The following KLHDC1 variants were observed in gnomAD, a reference collection of about 807,000 sequenced individuals.
The protein encoded by KLHDC1 is kelch domain containing 1, also known as kelch domain-containing protein 1.
KLHDC1 carries 53 observed loss-of-function variants against 68.3 expected under a neutral mutation model. That is an observed-to-expected ratio of 0.78 (90% CI 0.62 to 0.98). The LOEUF is 0.98. KLHDC1 is among the 50% of genes least tolerant of loss of function. The pLI is 0.00. For synonymous variants in KLHDC1, 148 were observed against 159.0 expected, an observed-to-expected ratio of 0.93 and a Z score of 0.52; for missense variants, 470 against 492.3, an observed-to-expected ratio of 0.95 and a Z score of 0.43.
chr14:49,732,591 TA>T (rs1224600170), intron 8 of KLHDC1, 112 bp from the exon 9 acceptor site: 2 of 495,090 alleles, frequency 4.0e-6, no homozygotes, highest in Non-Finnish European at 3.5e-6. Context: ...GTGGGACTAG[TA>T]AAAGTTTTTT....
intron 4 of KLHDC1, among the ~76,000 whole-genome samples, chr14:49,715,049 A>G (rs1888334547): frequency 6.8e-6 from 1 of 147,364 alleles, no homozygotes; most frequent in East Asian, 1.9e-4. Context: ...TATACTTAAT[A>G]TATATTATAT....
At chr14:49,732,967 T>C in intron 9 of KLHDC1, 151 bp downstream of exon 9, 1 of 579,478 alleles carries the variant, frequency 1.7e-6, no homozygotes, top group Non-Finnish European at 3.0e-6. Flanking sequence ...TATGATCTCC[T>C]TGCTTTTGTA....
rs1231129663 is a variant in KLHDC1 at position 49,693,748 on chromosome 14, C to CTTTTTTTTTTTTTTTTTTTT, written c.96+474_96+475insTTTTTTTTTTTTTTTTTTTT. 1.7e-3 allele frequency among the ~76,000 whole-genome samples: 104 copies of CTTTTTTTTTTTTTTTTTTTT among 61,538 alleles called. 22 individuals are homozygous for CTTTTTTTTTTTTTTTTTTTT. The highest frequency in any genetic ancestry group is 3.8e-3 in the East Asian group (5 of 1,326). The allele number at this position is 61,538 out of a possible 152,430, so 40.4% of individuals were successfully genotyped here. A position where few individuals can be genotyped will look rare whatever the true frequency, so the allele number is the denominator to read the frequency against. ...TAAATATTTATTTTCTTTTCTTTTT[C>CTTTTTTTTTTTTTTTTTTTT]TTTTTTTTTTTTTTTTGAGATGGAG... On this transcript the variant is annotated intron_variant, in intron 1 of 12. Coordinates refer to ENST00000359332, the MANE Select transcript of KLHDC1 (RefSeq NM_172193.3).
chr14:49,695,784 G>T (rs1217417921), intron 1 of KLHDC1, among the ~76,000 whole-genome samples: 1 of 152,152 alleles, frequency 6.6e-6, no homozygotes, highest in Admixed American at 6.5e-5. Context: ...TCTATTGTTG[G>T]CCGGGCACGT....
chr14:49,732,872 T>C, intron 9 of KLHDC1, 56 bp downstream of exon 9: 1 of 871,422 alleles, frequency 1.1e-6, no homozygotes, highest in South Asian at 1.5e-5. Flanking sequence ...TTCTTAATTG[T>C]ATTTCATACT....
intron 12 of KLHDC1, among the ~76,000 whole-genome samples, chr14:49,749,372 A>G (rs755744920): frequency 6.6e-6 from 1 of 152,144 alleles, no homozygotes; most frequent in Non-Finnish European, 1.5e-5. Context: ...TATCTCGTGG[A>G]AATACAGTTT....
intron 10 of KLHDC1, among the ~76,000 whole-genome samples, 187 bp from the exon 11 acceptor site, chr14:49,739,911 T>C (rs1167541204): frequency 1.3e-5 from 2 of 152,216 alleles, no homozygotes; most frequent in Non-Finnish European, 2.9e-5. Flanking sequence ...ATCTCTTTAA[T>C]GGTGTGATTT....
intron 12 of KLHDC1, among the ~76,000 whole-genome samples, chr14:49,746,293 A>G (rs1170160728): frequency 6.6e-6 from 1 of 152,236 alleles, no homozygotes; most frequent in African/African-American, 2.4e-5. Context: ...GGCCAGACAT[A>G]AAATTTCATA....
chr14:49,732,672 G>T, intron 8 of KLHDC1, 32 bp from the exon 9 acceptor site: 1 of 1,089,868 alleles, frequency 9.2e-7, no homozygotes, highest in South Asian at 1.3e-5. Flanking sequence ...GATTAATATA[G>T]TACCTAGACT....
At chr14:49,700,758 G>C (rs1331146593) in intron 1 of KLHDC1, among the ~76,000 whole-genome samples, 1 of 152,166 alleles carries the variant, frequency 6.6e-6, no homozygotes, top group East Asian at 1.9e-4. Context: ...CTTGATGCAA[G>C]TAGAGATAGT....
intron 10 of KLHDC1, among the ~76,000 whole-genome samples, chr14:49,736,434 A>C (rs1298338677): frequency 1.3e-5 from 2 of 152,212 alleles, no homozygotes; most frequent in Non-Finnish European, 2.9e-5. Context: ...TTCTTCGATG[A>C]TGAAATGGCC....
chr14:49,729,508 T>A lies in KLHDC1; in HGVS notation c.670T>A (p.Leu224Met), dbSNP rs1197557405. 4.3e-6 allele frequency: 7 copies of A among 1,610,750 alleles called. No individual in the cohort carries two copies. Among genetic ancestry groups the A allele is most frequent in the Non-Finnish European group, 5.9e-6 (7 of 1,177,212 alleles). ...CTTTTAGCAAACTAGGATGAATGAT[T>A]TGCACTATCTAAACCTAGACACCTG... ...GRVLQTRMND[L>M]HYLNLDTWTW... Residue 224 changes from leucine (L) to methionine (M), a missense_variant, in exon 8 of 13, where the codon TTG becomes ATG. Leu to Met is a conservative substitution (Grantham distance 15). Coordinates refer to ENST00000359332, the MANE Select transcript of KLHDC1 (RefSeq NM_172193.3).
At chr14:49,722,976 A>G (rs1468416786) in intron 4 of KLHDC1, among the ~76,000 whole-genome samples, 1 of 150,978 alleles carries the variant, frequency 6.6e-6, no homozygotes, top group Non-Finnish European at 1.5e-5. Flanking sequence ...AATCCCAGCT[A>G]CGCAGGAGGC....
intron 6 of KLHDC1, among the ~76,000 whole-genome samples, chr14:49,726,256 T>C (rs1888668865): frequency 6.6e-6 from 1 of 152,174 alleles, no homozygotes; most frequent in Non-Finnish European, 1.5e-5. Context: ...TAGATGGCAC[T>C]TGTAGTCCCA....
chr14:49,714,284 C>T (rs192232904), intron 4 of KLHDC1, among the ~76,000 whole-genome samples: 1 of 150,586 alleles, frequency 6.6e-6, no homozygotes, highest in African/African-American at 2.4e-5. Context: ...CCAGCCTGGC[C>T]AGCATAGTGA....
intron 1 of KLHDC1, among the ~76,000 whole-genome samples, chr14:49,696,912 T>C (rs1887759868): frequency 6.6e-6 from 1 of 152,068 alleles, no homozygotes; most frequent in African/African-American, 2.4e-5. Flanking sequence ...TAGAGTCCAT[T>C]GTAGGGTTAC....
chr14:49,735,959 G>A (rs1374700653), intron 10 of KLHDC1, among the ~76,000 whole-genome samples: 1 of 152,070 alleles, frequency 6.6e-6, no homozygotes, highest in Non-Finnish European at 1.5e-5. Flanking sequence ...AGGCTGCAGT[G>A]AGCTGAGATT....
intron 4 of KLHDC1, among the ~76,000 whole-genome samples, chr14:49,717,613 T>C (rs931572823): frequency 6.6e-6 from 1 of 152,206 alleles, no homozygotes; most frequent in East Asian, 1.9e-4. Context: ...TGTTGATCCC[T>C]TATCAGATAT....
Position 49,732,789 on chromosome 14 carries a change from G to A in KLHDC1, c.796G>A (p.Gly266Arg). 6.3e-7 allele frequency: 1 copy of A among 1,582,766 alleles called. No homozygotes were observed. Among genetic ancestry groups the A allele is most frequent in the Non-Finnish European group, 8.7e-7 (1 of 1,151,714 alleles). Residue 266 changes from glycine to arginine, a missense_variant, in exon 9 of 13, where the codon GGA becomes AGA. Physicochemically the swap from Gly to Arg is moderately radical, Grantham distance 125 (BLOSUM62 -2). Coordinates refer to ENST00000359332, the MANE Select transcript of KLHDC1 (RefSeq NM_172193.3). ...IADDKLFLCG[G>R]LSADNIPLSD... ...TGATGATAAACTTTTCCTATGTGGT[G>A]GACTAAGTGCAGATAATATCCCATT... is the stretch of plus-strand genomic sequence containing the variant.
Sources: allele counts gnomAD v4.1 joint callset (sites outside exome capture counted in the v4.1 genomes callset), GRCh38; gene constraint gnomAD v4.1.1; transcripts MANE v1.5; gene names NCBI Gene and HGNC (gene_info 2026-07-23, HGNC 2026-07-21).